THRB: variants seen among roughly 807,000 people sequenced by gnomAD.
THRB encodes the protein thyroid hormone receptor beta, also known as nuclear receptor subfamily 1 group A member 2.
THRB carries 12 observed loss-of-function variants against 47.8 expected under a neutral mutation model. The observed-to-expected ratio is 0.25, with a 90% CI of 0.16 to 0.41. The LOEUF is 0.41. Among genes scored for constraint, THRB ranks in the 10% least tolerant of loss-of-function variants. The pLI is 1.00. For synonymous variants in THRB, 218 were observed against 212.2 expected, an observed-to-expected ratio of 1.03 and a Z score of -0.24; for missense variants, 348 against 589.2, an observed-to-expected ratio of 0.59 and a Z score of 4.24.
intron 1 of THRB, among the ~76,000 whole-genome samples, chr3:24,425,437 C>T (rs1055075320): frequency 6.6e-6 from 1 of 151,790 alleles, no homozygotes; most frequent in Admixed American, 6.6e-5. Context: ...TGTGAGTACG[C>T]ACCTTTTTTT....
In THRB at chr3:24,413,616, G is replaced by A. The variant is rs562737436; in HGVS notation, c.-260-76245C>T. 1.5e-4 allele frequency among the ~76,000 whole-genome samples: 22 copies of A among 150,812 alleles called. No individual in the cohort carries two copies. In the East Asian group the frequency reaches 4.1e-3, roughly 28 times the overall value. On this transcript the variant is annotated intron_variant, in intron 1 of 10. Transcript: ENST00000646209. ...AAGTTCTAGGGTACGTGTACACAAC[G>A]TGCAGGTTTGTTACATATGTATACA...
At chr3:24,138,998 G>A (rs1248014298) in intron 8 of THRB, among the ~76,000 whole-genome samples, 1 of 152,170 alleles carries the variant, frequency 6.6e-6, no homozygotes, top group Admixed American at 6.5e-5. Context: ...GTCAGGGGCT[G>A]CTACTGGAGG....
intron 1 of THRB, among the ~76,000 whole-genome samples, chr3:24,417,088 T>A: frequency 7.6e-6 from 1 of 131,900 alleles, no homozygotes; most frequent in Admixed American, 8.5e-5. Context: ...TCATGAAATT[T>A]TAAACCAACA....
chr3:24,362,859 T>G (rs2064173277), intron 1 of THRB, among the ~76,000 whole-genome samples: 1 of 152,140 alleles, frequency 6.6e-6, no homozygotes, highest in Non-Finnish European at 1.5e-5. Flanking sequence ...TCAAGACATG[T>G]ATAATAACAT....
intron 2 of THRB, among the ~76,000 whole-genome samples, chr3:24,331,833 G>A (rs1297624606): frequency 6.6e-6 from 1 of 152,052 alleles, no homozygotes; most frequent in Non-Finnish European, 1.5e-5. Flanking sequence ...CTAATACCGA[G>A]CTTATAACCA....
chr3:24,224,606 G>A (rs1245087223), intron 4 of THRB, among the ~76,000 whole-genome samples: 1 of 152,092 alleles, frequency 6.6e-6, no homozygotes. Flanking sequence ...AATGGCATGG[G>A]CTTCACAATA....
In THRB at chr3:24,482,538, CCTCTCT is replaced by C. The variant is rs10575358; in HGVS notation, c.-261+12108_-261+12113del. Among the ~76,000 whole-genome samples the C allele has an allele frequency of 5.3e-3, 689 of 130,974 alleles. 4 individuals carry two copies. Among genetic ancestry groups the C allele is most frequent in the Non-Finnish European group, 7.2e-3 (445 of 62,218 alleles). The allele number at this position is 130,974 out of a possible 152,430, so 85.9% of individuals were successfully genotyped here. ...TTCTTTCTTTCTTTCTTTCTGTCTC[CCTCTCT>C]CTCTCTCTCTCTCTCTCTCTCTCTC... On this transcript the variant is annotated intron_variant, in intron 1 of 10. Transcript: ENST00000646209.
chr3:24,254,943 A>G (rs1250328218), intron 3 of THRB, among the ~76,000 whole-genome samples: 1 of 152,222 alleles, frequency 6.6e-6, no homozygotes, highest in East Asian at 1.9e-4. Flanking sequence ...AACATGTATG[A>G]ATCAGAAGCC....
intron 5 of THRB, among the ~76,000 whole-genome samples, chr3:24,163,652 A>C (rs2039226243): frequency 6.6e-6 from 1 of 152,174 alleles, no homozygotes; most frequent in Admixed American, 6.6e-5. Context: ...TGTACCTCAA[A>C]TGTTTCCATT....
intron 1 of THRB, among the ~76,000 whole-genome samples, chr3:24,473,947 C>A (rs1577847644): frequency 6.6e-6 from 1 of 151,960 alleles, no homozygotes; most frequent in African/African-American, 2.4e-5. Flanking sequence ...ACACTGTGGC[C>A]TGTTGGGTGT....
At chr3:24,424,753 C>T (rs575372705) in intron 1 of THRB, among the ~76,000 whole-genome samples, 2 of 151,866 alleles carry the variant, frequency 1.3e-5, no homozygotes, top group South Asian at 4.1e-4. Flanking sequence ...AAAGTAAATG[C>T]ATTGTTTTAT....
intron 5 of THRB, among the ~76,000 whole-genome samples, chr3:24,169,255 A>G (rs1261530236): frequency 6.6e-6 from 1 of 152,150 alleles, no homozygotes; most frequent in Non-Finnish European, 1.5e-5. Context: ...GTAATAGAAG[A>G]AGTGTTGCAA....
intron 4 of THRB, among the ~76,000 whole-genome samples, chr3:24,223,048 C>T (rs1487354549): frequency 6.6e-6 from 1 of 152,290 alleles, no homozygotes; most frequent in African/African-American, 2.4e-5. Flanking sequence ...AGCCGAGGGT[C>T]GTGTTGGCAT....
chr3:24,163,347 C>T (rs971178694), intron 5 of THRB, among the ~76,000 whole-genome samples: 8 of 152,094 alleles, frequency 5.3e-5, no homozygotes, highest in Non-Finnish European at 1.0e-4. Flanking sequence ...TGTGTCTTTT[C>T]CTTTAGTTCA....
chr3:24,323,343 T>C (rs925911562), intron 2 of THRB, among the ~76,000 whole-genome samples: 2 of 152,184 alleles, frequency 1.3e-5, no homozygotes, highest in Non-Finnish European at 2.9e-5. Context: ...TGGCTCTGTT[T>C]GTTTTCAAAT....
chr3:24,217,090 G>C lies in THRB; in HGVS notation c.22+11848C>G, dbSNP rs141922030. Among the ~76,000 whole-genome samples the C allele has an allele frequency of 3.6e-3, 535 of 148,326 alleles. 5 individuals carry two copies. Among genetic ancestry groups the C allele is most frequent in the African/African-American group, 0.012 (502 of 40,896 alleles). ...AATATTAAAATAATAAATATTATAA[G>C]AATTATAAGATATTAATATAATATT... On this transcript the variant is annotated intron_variant, in intron 4 of 10. Coordinates refer to ENST00000646209, the MANE Select transcript of THRB (RefSeq NM_001354712.2).
At chr3:24,411,846 T>C (rs2068331465) in intron 1 of THRB, among the ~76,000 whole-genome samples, 1 of 151,698 alleles carries the variant, frequency 6.6e-6, no homozygotes, top group Non-Finnish European at 1.5e-5. Flanking sequence ...AGTGCCAAGG[T>C]TGAGAAACCC....
chr3:24,127,336 C>A (rs921491485), intron 10 of THRB, among the ~76,000 whole-genome samples, 163 bp downstream of exon 10: 1 of 152,166 alleles, frequency 6.6e-6, no homozygotes, highest in Non-Finnish European at 1.5e-5. Flanking sequence ...CTGACGCCCC[C>A]CCTTTAAGTT....
chr3:24,271,933 G>C (rs755341941), intron 3 of THRB, among the ~76,000 whole-genome samples: 4 of 152,130 alleles, frequency 2.6e-5, no homozygotes, highest in African/African-American at 4.8e-5. Flanking sequence ...GTTAATATTT[G>C]ATTATTAGCT....
Sources: allele counts gnomAD v4.1 joint callset (sites outside exome capture counted in the v4.1 genomes callset), GRCh38; gene constraint gnomAD v4.1.1; transcripts MANE v1.5; gene names NCBI Gene and HGNC (gene_info 2026-07-23, HGNC 2026-07-21).